The following NCOA3 variants were observed in gnomAD, a reference collection of about 807,000 sequenced individuals.
NCOA3 encodes nuclear receptor coactivator 3.
Under a neutral mutation model 158.8 loss-of-function variants are expected in NCOA3, and 51 were observed. The ratio of observed to expected loss-of-function variants is 0.32; its 90% CI spans 0.26 to 0.41. NCOA3 has a LOEUF of 0.41. Among genes scored for constraint, NCOA3 ranks in the 10% least tolerant of loss-of-function variants. The pLI, the probability that NCOA3 is intolerant of heterozygous loss-of-function variation, is 1.00. For synonymous variants in NCOA3, 537 were observed against 592.4 expected, an observed-to-expected ratio of 0.91 and a Z score of 1.36; for missense variants, 1,510 against 1,746.6, an observed-to-expected ratio of 0.86 and a Z score of 2.41.
In NCOA3 at chr20:47,635,591, T is replaced by C. The variant is rs753754299; in HGVS notation, c.1382T>C (p.Leu461Pro). The change falls in exon 11 of 23, where the codon CTC becomes CCC. Residue 461 changes from leucine (L) to proline (P), a missense_variant. By Grantham distance (98) the Leu-to-Pro change is moderately conservative. Coordinates refer to ENST00000371998, the MANE Select transcript of NCOA3 (RefSeq NM_181659.3). ...PSSYQNNNYG[L>P]NMSSPPHGSP... ...TCCTACCAGAACAACAACTATGGGCTCAACATGAGTAGCCCCCCACATGGG... is the reference window on the plus strand; with the variant it reads ...TCCTACCAGAACAACAACTATGGGCCCAACATGAGTAGCCCCCCACATGGG... 9.3e-6 allele frequency: 15 copies of C among 1,614,162 alleles called. No homozygotes were observed. The highest frequency in any genetic ancestry group is 1.3e-5 in the Non-Finnish European group (15 of 1,180,032).
intron 1 of NCOA3, among the ~76,000 whole-genome samples, chr20:47,503,391 G>T (rs1319758675): frequency 6.6e-6 from 1 of 152,172 alleles, no homozygotes; most frequent in Non-Finnish European, 1.5e-5. Flanking sequence ...TGGTTCTACC[G>T]AATGATATCC....
At chr20:47,513,743 AAAAAT>A (rs2084185898) in intron 1 of NCOA3, among the ~76,000 whole-genome samples, 1 of 149,764 alleles carries the variant, frequency 6.7e-6, no homozygotes, top group African/African-American at 2.5e-5. Flanking sequence ...AAAAAAAAAA[AAAAAT>A]TATAAGCAAC....
At chr20:47,572,879 C>T (rs1178794540) in intron 1 of NCOA3, among the ~76,000 whole-genome samples, 1 of 152,072 alleles carries the variant, frequency 6.6e-6, no homozygotes, top group African/African-American at 2.4e-5. Flanking sequence ...TGCATTTCTT[C>T]CTTTTACTTA....
intron 1 of NCOA3, among the ~76,000 whole-genome samples, chr20:47,521,698 G>A (rs1056638262): frequency 6.6e-6 from 1 of 152,176 alleles, no homozygotes; most frequent in African/African-American, 2.4e-5. Flanking sequence ...GCTCTACAGG[G>A]AAGTTAAGTT....
rs557358585 is a variant in NCOA3 at position 47,604,703 on chromosome 20, G to A, written c.-19-17526G>A. Among the ~76,000 whole-genome samples, 208 of 152,266 alleles carry A rather than the reference G, an allele frequency of 1.4e-3. 2 individuals carry two copies. The highest frequency in any genetic ancestry group is 0.01 in the Middle Eastern group (3 of 294). Reference sequence around the variant, plus strand: ...GCCTCCCACCTCAGCTTTCCAAAGTGCTGGCAATGTAGGCTTGAGCCACTG... The same window carrying A: ...GCCTCCCACCTCAGCTTTCCAAAGTACTGGCAATGTAGGCTTGAGCCACTG... On this transcript the variant is annotated intron_variant, in intron 2 of 22. Coordinates refer to ENST00000371998, the MANE Select transcript of NCOA3 (RefSeq NM_181659.3).
intron 1 of NCOA3, among the ~76,000 whole-genome samples, chr20:47,510,129 G>A (rs1569310166): frequency 6.6e-6 from 1 of 152,040 alleles, no homozygotes; most frequent in Non-Finnish European, 1.5e-5. Flanking sequence ...TCCAGAAAGC[G>A]ACTTTAAACG....
intron 1 of NCOA3, among the ~76,000 whole-genome samples, chr20:47,512,905 C>T (rs2084169939): frequency 6.6e-6 from 1 of 151,992 alleles, no homozygotes; most frequent in Non-Finnish European, 1.5e-5. Context: ...AGCCTGTAAT[C>T]CCAGCACTTT....
At position 47,636,220 on chromosome 20, in the gene NCOA3, C is replaced by T; in HGVS notation, c.1834C>T (p.Pro612Ser). ...SVEGAENQRG[P>S]LESKGHKKLL... The stretch of plus-strand genomic sequence containing the variant: ...TGAGGGGGCAGAGAATCAAAGGGGT[C>T]CTTTGGAAAGCAAAGGTCATAAAAA... The change falls in exon 12 of 23, where the codon CCT (proline) becomes TCT (serine). Residue 612 changes from proline (P) to serine (S), a missense_variant. Pro to Ser is a moderately conservative substitution (Grantham distance 74, BLOSUM62 -1). Around this residue, in one of 4 missense-constraint regions of NCOA3, gnomAD observed 1,017 missense variants for 1,098.3 expected, o/e 0.93. Transcript: ENST00000371998. 6.2e-7 allele frequency: 1 copy of T among 1,614,080 alleles called. No individual in the cohort carries two copies. Among genetic ancestry groups the T allele is most frequent in the Non-Finnish European group, 8.5e-7 (1 of 1,180,010 alleles).
At chr20:47,547,631 G>C (rs1165531266) in intron 1 of NCOA3, among the ~76,000 whole-genome samples, 2 of 151,782 alleles carry the variant, frequency 1.3e-5, no homozygotes, top group African/African-American at 4.8e-5. Flanking sequence ...CATTAGCCAG[G>C]ATAGTCTCGA....
chr20:47,530,582 C>T lies in NCOA3; in HGVS notation c.-99+28563C>T, dbSNP rs1014575254. 4.6e-5 allele frequency among the ~76,000 whole-genome samples: 7 copies of T among 151,690 alleles called. No homozygotes were observed. In the South Asian group the frequency reaches 1.0e-3, roughly 23 times the overall value. ...GGTTCAAGCATTTCTTCTGCCTCAG[C>T]CTCCCAAGTAGCTGGGATTACAGGC... On this transcript the variant is annotated intron_variant, in intron 1 of 22. Transcript: ENST00000371998.
At chr20:47,572,800 G>A (rs1025370708) in intron 1 of NCOA3, among the ~76,000 whole-genome samples, 1 of 152,070 alleles carries the variant, frequency 6.6e-6, no homozygotes, top group Non-Finnish European at 1.5e-5. Flanking sequence ...GCCTCCCAAA[G>A]TGCTGGAATT....
chr20:47,531,339 T>TCAAACAAACAAA (rs10664468), intron 1 of NCOA3, among the ~76,000 whole-genome samples: 7 of 150,458 alleles, frequency 4.7e-5, no homozygotes, highest in South Asian at 2.1e-4. Flanking sequence ...CGAGACTATC[T>TCAAACAAACAAA]CAAACAAACA....
chr20:47,559,401 G>A lies in NCOA3; in HGVS notation c.-98-23782G>A, dbSNP rs1051061398. Among the ~76,000 whole-genome samples, 7 of 152,096 alleles carry A rather than the reference G, an allele frequency of 4.6e-5. No homozygotes were observed. In the South Asian group the frequency reaches 8.3e-4, roughly 18 times the overall value. On this transcript the variant is annotated intron_variant, in intron 1 of 22. Transcript: ENST00000371998. ...CCTTCAAGATTTGGAGCAGGGGAGG[G>A]AGGTGGTGGCTAGCAGCTTCTTAGA...
chr20:47,616,191 T>A (rs1379173716), intron 2 of NCOA3, among the ~76,000 whole-genome samples: 1 of 138,970 alleles, frequency 7.2e-6, no homozygotes, highest in Non-Finnish European at 1.5e-5. Context: ...ATATATTGCT[T>A]AAATGCAGGT....
In NCOA3 at chr20:47,635,562, A is replaced by G. The variant is rs375197875; in HGVS notation, c.1353A>G (p.Pro451=). 29 of 1,613,978 alleles carry G rather than the reference A, an allele frequency of 1.8e-5. No homozygotes were observed. The highest frequency in any genetic ancestry group is 2.4e-5 in the Non-Finnish European group (28 of 1,180,026). The change falls in exon 11 of 23, where the codon CCA becomes CCG. Residue 451 remains proline (P), a synonymous_variant. Transcript: ENST00000371998. The part of the protein sequence containing the change: ...SLTPGPGMQS[P]SSYQNNNYGL... ...CCCCTGGGCCAGGCATGCAATCACCATCTTCCTACCAGAACAACAACTATG... is the reference window on the plus strand; with the variant it reads ...CCCCTGGGCCAGGCATGCAATCACCGTCTTCCTACCAGAACAACAACTATG...
rs1035230182 is a variant in NCOA3 at position 47,541,833 on chromosome 20, TAC to T, written c.-99+39818_-99+39819del. On this transcript the variant is annotated intron_variant, in intron 1 of 22. Coordinates refer to ENST00000371998, the MANE Select transcript of NCOA3 (RefSeq NM_181659.3). ...GCATTAATTTCTTAGTAGCATCAAA[TAC>T]ACAGTCACTTCAGTTTTCTAGTTCT... is the stretch of plus-strand genomic sequence containing the variant. Among the ~76,000 whole-genome samples, 11 of 151,044 alleles carry T rather than the reference TAC, an allele frequency of 7.3e-5. No homozygotes were observed. In the East Asian group the frequency reaches 2.1e-3, roughly 29 times the overall value.
chr20:47,626,400 T>C (rs929358118), intron 5 of NCOA3, among the ~76,000 whole-genome samples: 1 of 152,220 alleles, frequency 6.6e-6, no homozygotes, highest in African/African-American at 2.4e-5. Context: ...TAAAAGCTCC[T>C]TTAAAGATAT....
chr20:47,527,524 G>A (rs2084476444), intron 1 of NCOA3, among the ~76,000 whole-genome samples: 1 of 152,124 alleles, frequency 6.6e-6, no homozygotes, highest in African/African-American at 2.4e-5. Flanking sequence ...TGGGCAGTTT[G>A]TTTATTTACC....
chr20:47,604,989 T>G (rs995635530), intron 2 of NCOA3, among the ~76,000 whole-genome samples: 4 of 152,294 alleles, frequency 2.6e-5, no homozygotes, highest in Admixed American at 6.5e-5. Flanking sequence ...GCCCTCAGCC[T>G]CCTGAGTAGC....
Sources: allele counts gnomAD v4.1 joint callset (sites outside exome capture counted in the v4.1 genomes callset), GRCh38; gene constraint gnomAD v4.1.1; regional missense constraint gnomAD v4.1.1; transcripts MANE v1.5; gene names NCBI Gene and HGNC (gene_info 2026-07-23, HGNC 2026-07-21).